Variants in COPS7B observed in about 807,000 individuals in gnomAD.
The protein encoded by COPS7B is COP9 signalosome complex subunit 7b.
COPS7B carries 9 observed loss-of-function variants against 33.4 expected under a neutral mutation model. The observed-to-expected ratio is 0.27, with a 90% CI of 0.16 to 0.47. The LOEUF is 0.47. Among genes scored for constraint, COPS7B ranks in the 20% least tolerant of loss-of-function variants. The pLI is 0.99. For synonymous variants in COPS7B, 119 were observed against 126.3 expected (o/e 0.94, Z 0.39); for missense variants, 242 against 318.2 (o/e 0.76, Z 1.82).
At chr2:231,786,157 G>GA (rs2049233755), upstream of COPS7B, 1 of 152,334 alleles carries the variant, frequency 6.6e-6, no homozygotes, top group African/African-American at 2.4e-5. Flanking sequence ...TCCTGAGAGA[G>GA]AAAGCACAGC....
chr2:231,798,977 A>G lies in COPS7B; in HGVS notation c.636+13A>G, dbSNP rs771692580. 3.5e-5 allele frequency: 57 copies of G among 1,606,764 alleles called. No homozygotes were observed. Among genetic ancestry groups the G allele is most frequent in the Non-Finnish European group, 4.5e-5 (53 of 1,173,706 alleles). The stretch of plus-strand genomic sequence containing the variant: ...GGTAGAAGCAGAGGTAAGGAAGGAA[A>G]GGAACATTTGTTTCTCTCTCCAGGC... On this transcript the variant is annotated intron_variant, in intron 6 of 6. Transcript: ENST00000350033.
chr2:231,786,583 G>C (rs961781024), intron 1 of COPS7B, 45 bp downstream of exon 1: 3 of 918,924 alleles, frequency 3.3e-6, no homozygotes, highest in Non-Finnish European at 3.9e-6. Context: ...CGGCGCTCCA[G>C]GCTCGGCCAG....
At chr2:231,797,789 T>C (rs187618112) in intron 5 of COPS7B, among the ~76,000 whole-genome samples, 21 of 152,162 alleles carry the variant, frequency 1.4e-4, no homozygotes, top group Non-Finnish European at 3.1e-4. Context: ...AAAAAATTAA[T>C]AGTGGGGAAA....
chr2:231,803,789 A>C (rs537850849), intron 6 of COPS7B, among the ~76,000 whole-genome samples: 16 of 152,340 alleles, frequency 1.1e-4, no homozygotes, highest in African/African-American at 3.8e-4. Flanking sequence ...CCAGAGTGAG[A>C]ACCATGAGTT....
chr2:231,796,421 G>T, intron 5 of COPS7B, 113 bp downstream of exon 5: 1 of 873,524 alleles, frequency 1.1e-6, no homozygotes, highest in Non-Finnish European at 1.8e-6. Context: ...AGCTACCTGG[G>T]AGCTGGGGCT....
chr2:231,792,198 A>C (rs2106319210), intron 3 of COPS7B: 1 of 441,634 alleles, frequency 2.3e-6, no homozygotes, highest in East Asian at 7.0e-5. Context: ...GACTTTTTAA[A>C]AGTCACTCAT....
chr2:231,798,770 G>A, intron 5 of COPS7B, 89 bp from the exon 6 acceptor site: 1 of 1,030,484 alleles, frequency 9.7e-7, no homozygotes, highest in Non-Finnish European at 1.5e-6. Context: ...GTAAGATACT[G>A]GGGAGAGCTG....
chr2:231,801,743 C>G (rs2049753589), intron 6 of COPS7B, among the ~76,000 whole-genome samples: 1 of 151,466 alleles, frequency 6.6e-6, no homozygotes, highest in South Asian at 2.1e-4. Flanking sequence ...GTTGGGATTA[C>G]AGGCGTGAGC....
chr2:231,791,726 T>A lies in COPS7B; in HGVS notation c.163-7T>A, dbSNP rs115875756. 21 of 1,613,814 alleles carry A rather than the reference T, an allele frequency of 1.3e-5. No homozygotes were observed. In the Admixed American group the frequency reaches 3.3e-4, roughly 26 times the overall value. ...GGTCTGTGGTGAACTTTTTTTTTCC[T>A]CTTCAGCTTGCGGAAGGAGCTAATG... On this transcript the variant is annotated splice_region_variant and splice_polypyrimidine_tract_variant and intron_variant, in intron 2 of 6. Transcript: ENST00000350033.
chr2:231,785,012 T>C (rs2049205430), upstream of COPS7B, among the ~76,000 whole-genome samples: 1 of 152,246 alleles, frequency 6.6e-6, no homozygotes, highest in African/African-American at 2.4e-5. Flanking sequence ...AGTTTTGCCA[T>C]GTGGCCCAGG....
intron 6 of COPS7B, among the ~76,000 whole-genome samples, chr2:231,806,794 C>CA (rs1161093134): frequency 6.6e-6 from 1 of 152,120 alleles, no homozygotes; most frequent in Non-Finnish European, 1.5e-5. Flanking sequence ...CAGAAGTATG[C>CA]AAAGGTAAAC....
Position 231,808,056 on chromosome 2 carries a change from G to C in COPS7B, c.*411G>C, listed in dbSNP as rs1226831140. ...AAGGAGGCCCCTCCCCTTGTGAGGA[G>C]GGGGCACTCCTCTCCAGCCCCTGGT... On this transcript the variant is annotated 3_prime_UTR_variant, in exon 7 of 7. Transcript: ENST00000350033. The C allele has an allele frequency of 5.1e-6, 1 of 195,462 alleles. No homozygotes were observed. Among genetic ancestry groups the C allele is most frequent in the Non-Finnish European group, 1.0e-5 (1 of 95,372 alleles). 12.1% of individuals were successfully genotyped at this position (195,462 alleles called of 1,614,324 possible). A position where few individuals can be genotyped will look rare whatever the true frequency, so the allele number is the denominator to read the frequency against.
At chr2:231,792,769 T>G (rs2049454937) in intron 3 of COPS7B, among the ~76,000 whole-genome samples, 1 of 152,242 alleles carries the variant, frequency 6.6e-6, no homozygotes, top group African/African-American at 2.4e-5. Context: ...GGTATTTGTA[T>G]GTCCAAACAC....
chr2:231,801,630 CTTTTTT>C (rs199606465), intron 6 of COPS7B, among the ~76,000 whole-genome samples: 1 of 131,010 alleles, frequency 7.6e-6, no homozygotes, highest in South Asian at 2.5e-4. Flanking sequence ...TTTTTCTTTT[CTTTTTT>C]TTTTTTTTTT....
intron 2 of COPS7B, chr2:231,788,979 A>G (rs2049331425): frequency 5.1e-6 from 2 of 388,824 alleles, no homozygotes; most frequent in Non-Finnish European, 9.3e-6. Context: ...AAAAAAGTCA[A>G]ATTGATCCTG....
Position 231,798,254 on chromosome 2 carries a change from C to CTTTTTCTT in COPS7B, c.531-600_531-599insCTTTTTTT, listed in dbSNP as rs1246476492. Among the ~76,000 whole-genome samples the CTTTTTCTT allele has an allele frequency of 1.5e-4, 18 of 116,746 alleles. 1 individual carries two copies. The highest frequency in any genetic ancestry group is 5.3e-4 in the African/African-American group (16 of 30,022). The allele number at this position is 116,746 out of a possible 152,430, so 76.6% of individuals were successfully genotyped here. On this transcript the variant is annotated intron_variant, in intron 5 of 6. Coordinates refer to ENST00000350033, the MANE Select transcript of COPS7B (RefSeq NM_022730.4). ...CCATCTATAAAATCTATTCTACCTT[C>CTTTTTCTT]TTTTTTTTTTTTTTTTTTTTGCGGC...
At chr2:231,788,356 G>A (rs1035937598) in intron 1 of COPS7B, among the ~76,000 whole-genome samples, 199 bp from the exon 2 acceptor site, 2 of 152,012 alleles carry the variant, frequency 1.3e-5, no homozygotes, top group African/African-American at 4.8e-5. Context: ...TACTGGTCTC[G>A]AACTCCTCAC....
intron 4 of COPS7B, among the ~76,000 whole-genome samples, chr2:231,795,503 A>AT (rs2049542141): frequency 6.6e-6 from 1 of 152,090 alleles, no homozygotes; most frequent in African/African-American, 2.4e-5. Context: ...TCTTGTACTG[A>AT]TTGTGGACTT....
At chr2:231,791,930 C>T (rs2049428662) in intron 3 of COPS7B, 122 bp downstream of exon 3, 5 of 854,788 alleles carry the variant, frequency 5.8e-6, no homozygotes, top group Non-Finnish European at 5.9e-6. Context: ...GGCTGCCTCC[C>T]ATTTTGCTGT....
Sources: gnomAD v4.1 joint callset for allele counts (sites outside exome capture counted in the v4.1 genomes callset) on GRCh38, gnomAD v4.1.1 for gene constraint, MANE v1.5 for transcripts, NCBI Gene and HGNC (gene_info 2026-07-23, HGNC 2026-07-21) for gene names.